FBXO10: variants seen among roughly 807,000 people sequenced by gnomAD.
FBXO10 encodes the protein F-box only protein 10.
Under a neutral mutation model 80.7 loss-of-function variants are expected in FBXO10, and 39 were observed. The ratio of observed to expected loss-of-function variants is 0.48; its 90% CI spans 0.37 to 0.63. The LOEUF is 0.63. Ranked by LOEUF, FBXO10 falls within the 30% of genes least tolerant of loss-of-function variation. FBXO10 has a pLI of 0.00. For synonymous variants in FBXO10, 449 were observed against 489.6 expected, an observed-to-expected ratio of 0.92 and a Z score of 1.09; for missense variants, 1,025 against 1,269.0, an observed-to-expected ratio of 0.81 and a Z score of 2.92.
At chr9:37,536,859 C>T (rs562280952) in intron 3 of FBXO10, among the ~76,000 whole-genome samples, 4 of 152,208 alleles carry the variant, frequency 2.6e-5, no homozygotes, top group East Asian at 1.9e-4. Context: ...GCAGGAGACC[C>T]GAGTTTCTAG....
intron 1 of FBXO10, among the ~76,000 whole-genome samples, chr9:37,543,682 C>T (rs987005798): frequency 2.0e-5 from 3 of 152,218 alleles, no homozygotes; most frequent in Non-Finnish European, 4.4e-5. Context: ...TCAGATATCC[C>T]TGATGATGTA....
At chr9:37,513,073 C>T (rs528726066) in intron 10 of FBXO10, among the ~76,000 whole-genome samples, 1 of 152,314 alleles carries the variant, frequency 6.6e-6, no homozygotes, top group South Asian at 2.1e-4. Flanking sequence ...TCAAGTGATC[C>T]TCCCACCTCA....
chr9:37,568,839 C>T (rs901803171), intron 1 of FBXO10, among the ~76,000 whole-genome samples: 7 of 151,816 alleles, frequency 4.6e-5, no homozygotes, highest in African/African-American at 1.7e-4. Context: ...CAACTTTGGT[C>T]AAATTGAAAT....
At chr9:37,522,691 T>C (rs1426213347) in intron 7 of FBXO10, 134 bp downstream of exon 7, 2 of 1,191,818 alleles carry the variant, frequency 1.7e-6, no homozygotes, top group African/African-American at 1.6e-5. Context: ...CCTGGGTGAC[T>C]GTGGCCTGAG....
At position 37,537,231 on chromosome 9, in the gene FBXO10, C is replaced by T. The variant is rs1821790488; in HGVS notation, c.1298G>A (p.Arg433His). 6.2e-7 allele frequency: 1 copy of T among 1,613,824 alleles called. No homozygotes were observed. The highest frequency in any genetic ancestry group is 1.3e-5 in the African/African-American group (1 of 74,944). The part of the protein sequence containing the change: ...LANSVQGCLI[R>H]KCLFRDGKGG... Reference sequence around the variant, plus strand: ...CTTCCCGTCCCGGAAGAGGCACTTGCGGATGAGGCAGCCCTGCACGGAGTT... The same window carrying T: ...CTTCCCGTCCCGGAAGAGGCACTTGTGGATGAGGCAGCCCTGCACGGAGTT... The change falls in exon 3 of 11, where the codon CGC becomes CAC. Residue 433 changes from arginine to histidine, a missense_variant. By Grantham distance (29) the Arg-to-His change is conservative. Around this residue, in one of 3 missense-constraint regions of FBXO10, gnomAD observed 478 missense variants for 667.8 expected, o/e 0.72. Coordinates refer to ENST00000432825, the MANE Select transcript of FBXO10 (RefSeq NM_012166.3).
At chr9:37,554,573 C>T (rs1822290298) in intron 1 of FBXO10, among the ~76,000 whole-genome samples, 1 of 152,184 alleles carries the variant, frequency 6.6e-6, no homozygotes, top group Non-Finnish European at 1.5e-5. Context: ...CCACCCCCGA[C>T]CCCAAGAGGC....
At chr9:37,522,442 G>GT (rs1821367935) in intron 7 of FBXO10, 1 of 1,041,040 alleles carries the variant, frequency 9.6e-7, no homozygotes, top group Admixed American at 5.0e-5. Flanking sequence ...AGTGAGAAGA[G>GT]TTTTCTTCCT....
Position 37,523,017 on chromosome 9 carries a change from C to T in FBXO10, c.1778-40G>A, listed in dbSNP as rs547870811. On this transcript the variant is annotated intron_variant, in intron 6 of 10. Transcript: ENST00000432825. ...AGAAAAGAAGGTCAGTACCCAAGGG[C>T]CAGCTCCAGTGCTGGCAAATAGGAC... is the stretch of plus-strand genomic sequence containing the variant. 2.1e-5 allele frequency: 33 copies of T among 1,568,394 alleles called. No individual in the cohort carries two copies. In the East Asian group the frequency reaches 3.1e-4, roughly 15 times the overall value.
At chr9:37,515,784 T>G in intron 10 of FBXO10, 120 bp downstream of exon 10, 1 of 1,045,996 alleles carries the variant, frequency 9.6e-7, no homozygotes. Flanking sequence ...CTGACTGGAG[T>G]CGACAGCTGG....
intron 1 of FBXO10, among the ~76,000 whole-genome samples, chr9:37,568,064 C>T (rs1215109539): frequency 1.3e-5 from 2 of 152,162 alleles, no homozygotes; most frequent in South Asian, 2.1e-4. Flanking sequence ...AGGTGAGAGA[C>T]TGCAAGAGAT....
intron 1 of FBXO10, among the ~76,000 whole-genome samples, chr9:37,565,128 T>G (rs1420805688): frequency 2.0e-5 from 3 of 152,152 alleles, no homozygotes; most frequent in Non-Finnish European, 4.4e-5. Flanking sequence ...CTCTGGAATT[T>G]CCCCTGCTTG....
chr9:37,544,804 C>T (rs933750823), intron 1 of FBXO10, among the ~76,000 whole-genome samples: 3 of 151,936 alleles, frequency 2.0e-5, no homozygotes, highest in African/African-American at 7.3e-5. Context: ...ACCATCCTGG[C>T]TAACATGGTG....
chr9:37,545,091 A>ATGG (rs896602620), intron 1 of FBXO10, among the ~76,000 whole-genome samples: 5 of 150,090 alleles, frequency 3.3e-5, no homozygotes, highest in Admixed American at 3.3e-4. Flanking sequence ...ACTCCCCAAG[A>ATGG]TGGACACCAG....
At chr9:37,552,772 C>T (rs1362848978) in intron 1 of FBXO10, among the ~76,000 whole-genome samples, 1 of 151,708 alleles carries the variant, frequency 6.6e-6, no homozygotes, top group Admixed American at 6.6e-5. Flanking sequence ...AAGGTGCTGG[C>T]ACCTGGTGAG....
chr9:37,513,924 A>G (rs532170422), intron 10 of FBXO10, among the ~76,000 whole-genome samples: 6 of 152,248 alleles, frequency 3.9e-5, no homozygotes, highest in African/African-American at 1.4e-4. Flanking sequence ...GGAAAATGCA[A>G]ATCTATGGGG....
At chr9:37,575,117 TC>T (rs2119215912) in intron 1 of FBXO10, among the ~76,000 whole-genome samples, 1 of 152,150 alleles carries the variant, frequency 6.6e-6, no homozygotes, top group South Asian at 2.1e-4. Flanking sequence ...GCTCTGACAG[TC>T]AATCACCGTA....
intron 1 of FBXO10, among the ~76,000 whole-genome samples, chr9:37,572,336 C>T (rs1822781021): frequency 1.3e-5 from 2 of 152,126 alleles, no homozygotes; most frequent in Non-Finnish European, 2.9e-5. Flanking sequence ...CAATTGTACT[C>T]TAACATATAT....
At chr9:37,529,302 C>A in intron 4 of FBXO10, 42 bp from the exon 5 acceptor site, 1 of 1,574,588 alleles carries the variant, frequency 6.4e-7, no homozygotes, top group Non-Finnish European at 8.6e-7. Context: ...AGATCAGACA[C>A]GTCAGCGAAG....
intron 8 of FBXO10, among the ~76,000 whole-genome samples, chr9:37,521,117 G>A (rs144893790): frequency 8.2e-4 from 125 of 152,340 alleles, no homozygotes; most frequent in African/African-American, 2.5e-3. Flanking sequence ...ATGGATTCAA[G>A]TTTAATGAAT....
Sources: allele counts gnomAD v4.1 joint callset (sites outside exome capture counted in the v4.1 genomes callset), GRCh38; gene constraint gnomAD v4.1.1; regional missense constraint gnomAD v4.1.1; transcripts MANE v1.5; gene names NCBI Gene and HGNC (gene_info 2026-07-23, HGNC 2026-07-21).